The following EYS variants were observed in gnomAD, a reference collection of about 807,000 sequenced individuals.
EYS encodes EGF-like photoreceptor maintenance factor, also known as protein eyes shut homolog.
In EYS, 250 loss-of-function variants were observed where a neutral mutation model predicts 282.1. The ratio of observed to expected loss-of-function variants is 0.89; its 90% CI spans 0.80 to 0.98. The LOEUF is 0.98. Among genes scored for constraint, EYS ranks in the 50% least tolerant of loss-of-function variants. The probability of loss-of-function intolerance (pLI) is 0.00; values close to 1 mark genes in which losing one functional copy is unlikely to be tolerated. For missense variants in EYS, 4,016 were observed against 3,709.0 expected (o/e 1.08, Z -2.15); for synonymous variants, 1,355 against 1,282.9 (o/e 1.06, Z -1.20).
At chr6:65,584,657 A>G (rs961064053) in intron 2 of EYS, among the ~76,000 whole-genome samples, 20 of 151,950 alleles carry the variant, frequency 1.3e-4, no homozygotes, top group African/African-American at 4.8e-4. Context: ...TTCACTTTTC[A>G]ATGTGGAGGT....
At chr6:64,070,885 T>G (rs1771548261) in intron 32 of EYS, among the ~76,000 whole-genome samples, 2 of 152,184 alleles carry the variant, frequency 1.3e-5, no homozygotes, top group African/African-American at 4.8e-5. Flanking sequence ...TTTTATTCAT[T>G]ATGACTTTTA....
intron 22 of EYS, among the ~76,000 whole-genome samples, chr6:64,669,683 T>G (rs2149894972): frequency 6.6e-6 from 1 of 152,344 alleles, no homozygotes; most frequent in Non-Finnish European, 1.5e-5. Context: ...TTATAAAAGC[T>G]ATGTGTTTTT....
In EYS at chr6:64,663,632, C is replaced by T. The variant is rs991899845; in HGVS notation, c.3444-37387G>A. Among the ~76,000 whole-genome samples the T allele has an allele frequency of 3.3e-5, 5 of 152,266 alleles. No individual in the cohort carries two copies. The East Asian group carries it at 7.7e-4, about 24-fold the overall frequency. On this transcript the variant is annotated intron_variant, in intron 22 of 42. Transcript: ENST00000503581. ...ATTCTCTCATGAGTATTTAATTGCTCTTCCCACAGAGGAACACGTTACTTC... is the reference window on the plus strand; with the variant it reads ...ATTCTCTCATGAGTATTTAATTGCTTTTCCCACAGAGGAACACGTTACTTC...
At chr6:64,156,445 A>G (rs1774925912) in intron 31 of EYS, among the ~76,000 whole-genome samples, 1 of 152,180 alleles carries the variant, frequency 6.6e-6, no homozygotes, top group Non-Finnish European at 1.5e-5. Context: ...CTAATACAGT[A>G]AATTGGTACT....
At chr6:63,779,422 C>T (rs1438442944) in intron 39 of EYS, 1 of 150,836 alleles carries the variant, frequency 6.6e-6, no homozygotes, top group African/African-American at 2.4e-5. Flanking sequence ...CCACTGCACT[C>T]CAGCCTGGGC....
intron 13 of EYS, among the ~76,000 whole-genome samples, chr6:65,013,464 A>C (rs1771944302): frequency 6.6e-6 from 1 of 152,200 alleles, no homozygotes; most frequent in Non-Finnish European, 1.5e-5. Context: ...AAATCGGTGC[A>C]ATAAGTGGTA....
At chr6:65,280,855 TA>T (rs539220801) in intron 12 of EYS, among the ~76,000 whole-genome samples, 97 of 142,770 alleles carry the variant, frequency 6.8e-4, no homozygotes, top group African/African-American at 1.8e-3. Context: ...CCGTCTGTAC[TA>T]AAAAAAAAAA....
At chr6:65,138,405 C>T (rs1041305112) in intron 12 of EYS, among the ~76,000 whole-genome samples, 1 of 151,900 alleles carries the variant, frequency 6.6e-6, no homozygotes, top group Non-Finnish European at 1.5e-5. Context: ...ATTTGGAACA[C>T]AGTAGTAAAA....
At chr6:65,138,088 A>G (rs1273308311) in intron 12 of EYS, among the ~76,000 whole-genome samples, 2 of 152,102 alleles carry the variant, frequency 1.3e-5, no homozygotes, top group Non-Finnish European at 2.9e-5. Flanking sequence ...TTAAAATATC[A>G]CCTGAGGCCA....
intron 2 of EYS, among the ~76,000 whole-genome samples, chr6:65,568,496 C>T (rs995994598): frequency 2.6e-5 from 4 of 151,960 alleles, no homozygotes; most frequent in Non-Finnish European, 5.9e-5. Flanking sequence ...AGCCCAAGGC[C>T]CCCTCACTAG....
chr6:65,011,875 C>T (rs187785515), intron 13 of EYS, among the ~76,000 whole-genome samples: 1 of 152,192 alleles, frequency 6.6e-6, no homozygotes, highest in Non-Finnish European at 1.5e-5. Context: ...GGGATATAAA[C>T]CCAGGCATTC....
At chr6:64,642,913 C>T (rs959160249) in intron 22 of EYS, among the ~76,000 whole-genome samples, 5 of 152,208 alleles carry the variant, frequency 3.3e-5, no homozygotes, top group East Asian at 1.9e-4. Flanking sequence ...GTCAGGAGTT[C>T]GAGACCAGCA....
chr6:64,553,262 T>C (rs1765142145), intron 26 of EYS, among the ~76,000 whole-genome samples: 1 of 152,154 alleles, frequency 6.6e-6, no homozygotes, highest in African/African-American at 2.4e-5. Flanking sequence ...AGCAATATAC[T>C]TAATTATCAT....
rs1244152793 is a variant in EYS, at chr6:65,344,080, A to G, written c.1557T>C (p.Asp519=). ...GTGGGAACCAACATGAAGAATTATT[A>G]TCTTCAGGATCGTTCACATAGGTTG... ...EDATYVNDPE[D]NNSSCWFPHE... is the part of the protein sequence containing the mutation. Residue 519 remains aspartate (D), a synonymous_variant, in exon 10 of 43, where the codon GAT becomes GAC. Transcript: ENST00000503581. 1.2e-6 allele frequency: 2 copies of G among 1,610,212 alleles called. No homozygotes were observed. Among genetic ancestry groups the G allele is most frequent in the African/African-American group, 2.7e-5 (2 of 74,676 alleles).
At chr6:64,225,783 G>T (rs557599626) in intron 31 of EYS, among the ~76,000 whole-genome samples, 2 of 152,156 alleles carry the variant, frequency 1.3e-5, no homozygotes, top group African/African-American at 4.8e-5. Context: ...ATAGTGAAGA[G>T]CAGAGCAGGT....
rs1766225807 is a variant in EYS, at chr6:65,495,484, T to G, written c.-74A>C. 5 of 1,524,044 alleles carry G rather than the reference T, an allele frequency of 3.3e-6. No homozygotes were observed. In the South Asian group the frequency reaches 5.7e-5, roughly 17 times the overall value. 94.4% of individuals were successfully genotyped at this position (1,524,044 alleles called of 1,614,324 possible). A position where few individuals can be genotyped will look rare whatever the true frequency, so the allele number is the denominator to read the frequency against. Reference sequence around the variant, plus strand: ...TGGTGTTTTAAGTATTACCGGAAATTTCCAAGTAAAGTTGTGGTTAAGGAT... The same window carrying G: ...TGGTGTTTTAAGTATTACCGGAAATGTCCAAGTAAAGTTGTGGTTAAGGAT... On this transcript the variant is annotated 5_prime_UTR_variant, in exon 4 of 43. Transcript: ENST00000503581.
At chr6:64,991,460 A>T (rs1331705994) in intron 14 of EYS, among the ~76,000 whole-genome samples, 1 of 151,674 alleles carries the variant, frequency 6.6e-6, no homozygotes, top group Non-Finnish European at 1.5e-5. Flanking sequence ...AACAGATTTA[A>T]GTGAACCTTT....
At chr6:64,881,712 A>G (rs1235278315) in intron 19 of EYS, among the ~76,000 whole-genome samples, 1 of 151,758 alleles carries the variant, frequency 6.6e-6, no homozygotes, top group African/African-American at 2.4e-5. Context: ...TTCTGCGTCC[A>G]TTCATGGTTA....
intron 35 of EYS, among the ~76,000 whole-genome samples, chr6:63,912,249 T>G (rs1764272366): frequency 6.6e-6 from 1 of 152,174 alleles, no homozygotes; most frequent in Admixed American, 6.5e-5. Context: ...GTTGCTAGGA[T>G]TTTTCACTGG....
Sources: gnomAD v4.1 joint callset for allele counts (sites outside exome capture counted in the v4.1 genomes callset) on GRCh38, gnomAD v4.1.1 for gene constraint, MANE v1.5 for transcripts, NCBI Gene and HGNC (gene_info 2026-07-23, HGNC 2026-07-21) for gene names.